Variants in CEP131 observed in about 807,000 individuals in gnomAD.
CEP131 encodes the protein centrosomal protein 131.
Under a neutral mutation model 136.8 loss-of-function variants are expected in CEP131, and 99 were observed. The ratio of observed to expected loss-of-function variants is 0.72; its 90% CI spans 0.62 to 0.86. The LOEUF (loss-of-function observed/expected upper bound fraction) is 0.86. Ranked by LOEUF, CEP131 falls within the 40% of genes least tolerant of loss-of-function variation. CEP131 has a pLI of 0.00. For missense variants in CEP131, 1,459 were observed against 1,463.0 expected (o/e 1.00, Z 0.04); for synonymous variants, 646 against 612.7 (o/e 1.05, Z -0.80).
intron 20 of CEP131, 39 bp from the exon 21 acceptor site, chr17:81,192,431 G>A (rs201874589): frequency 2.7e-4 from 436 of 1,611,646 alleles, no homozygotes; most frequent in Non-Finnish European, 3.5e-4. Context: ...GTCCCACCCC[G>A]TGCAGCCCCC....
At chr17:81,207,672 C>T (rs2062037716) in intron 3 of CEP131, among the ~76,000 whole-genome samples, 2 of 151,774 alleles carry the variant, frequency 1.3e-5, no homozygotes, top group African/African-American at 4.8e-5. Context: ...CCTTAAATAC[C>T]GTGGCTGCCT....
rs775947710 is a variant in CEP131, at chr17:81,198,104, A to C, written c.1470+11T>G. The C allele has an allele frequency of 6.4e-7, 1 of 1,551,444 alleles. No homozygotes were observed. The highest frequency in any genetic ancestry group is 8.7e-7 in the Non-Finnish European group (1 of 1,148,502). On this transcript the variant is annotated intron_variant, in intron 12 of 25. Transcript: ENST00000450824. ...GACAGACTGTGCAGGGCGGGCGCAC[A>C]CCGTGGTCACCTCGCTGGCCCAGGC...
chr17:81,200,338 G>C lies in CEP131; in HGVS notation c.897C>G (p.Ala299=). 1 of 1,600,522 alleles carries C rather than the reference G, an allele frequency of 6.2e-7. No homozygotes were observed. The change falls in exon 8 of 26, where the codon GCC becomes GCG. Residue 299 remains alanine, a synonymous_variant. Coordinates refer to ENST00000450824, the MANE Select transcript of CEP131 (RefSeq NM_014984.4). ...AGACGCCCACACTGACCTCCCGCTT[G>C]GCCTGAAGCAAGTGCTCCAGGCGGG... The part of the protein sequence containing the change: ...GAARLEHLLQ[A]KREEQRQRSG...
chr17:81,192,211 C>G, intron 21 of CEP131, 107 bp downstream of exon 21: 1 of 1,020,630 alleles, frequency 9.8e-7, no homozygotes, highest in Middle Eastern at 3.2e-4. Context: ...CAGAAACGAG[C>G]CCCCAGGATG....
At chr17:81,206,013 G>A (rs1234665600) in intron 5 of CEP131, among the ~76,000 whole-genome samples, 6 of 152,144 alleles carry the variant, frequency 3.9e-5, no homozygotes, top group Admixed American at 2.6e-4. Flanking sequence ...AGACCATCCC[G>A]GCCAACATGG....
In CEP131 at chr17:81,190,744, A is replaced by T; in HGVS notation, c.3002T>A (p.Phe1001Tyr). 6.2e-7 allele frequency: 1 copy of T among 1,611,892 alleles called. No individual in the cohort carries two copies. Among genetic ancestry groups the T allele is most frequent in the Non-Finnish European group, 8.5e-7 (1 of 1,179,586 alleles). Residue 1001 changes from phenylalanine to tyrosine, a missense_variant, in exon 24 of 26, where the codon TTC (phenylalanine) becomes TAC (tyrosine). This residue lies in a region of CEP131 where 1,026 missense variants were observed against 964.2 expected (regional missense o/e 1.06). Coordinates refer to ENST00000450824, the MANE Select transcript of CEP131 (RefSeq NM_014984.4). ...SNLAQVIRQE[F>Y]EDRLAASEEE... ...CTCAGAGGCTGCCAGCCGGTCCTCG[A>T]ACTCCTGGCGGATCACCTGGGCCAG...
rs201573274 is a variant in CEP131, at chr17:81,195,967, G to A, written c.1900-16C>T. On this transcript the variant is annotated splice_polypyrimidine_tract_variant and intron_variant, in intron 15 of 25. Coordinates refer to ENST00000450824, the MANE Select transcript of CEP131 (RefSeq NM_014984.4). Reference sequence around the variant, plus strand: ...CCTCAATCAGCTGTGTTGGGGACCGGAGGTGAGGTGCTACACCAAGGCCCC... The same window carrying A: ...CCTCAATCAGCTGTGTTGGGGACCGAAGGTGAGGTGCTACACCAAGGCCCC... The A allele has an allele frequency of 3.8e-3, 6,051 of 1,599,378 alleles. 18 individuals are homozygous for A. Among genetic ancestry groups the A allele is most frequent in the Non-Finnish European group, 4.3e-3 (5,007 of 1,173,780 alleles).
In CEP131 at chr17:81,203,929, G is replaced by A. The variant is rs2061949326; in HGVS notation, c.516-322C>T. On this transcript the variant is annotated intron_variant, in intron 5 of 25. Coordinates refer to ENST00000450824, the MANE Select transcript of CEP131 (RefSeq NM_014984.4). The surrounding 1 kb of genome is among the most constrained non-coding windows in gnomAD (Gnocchi z 4.6). ...AATCAGCTTCCAGAGCAGACTCACA[G>A]AAGCGAAGCCCCATCCCACACGACG... The A allele has an allele frequency of 3.4e-6, 1 of 297,804 alleles. No individual in the cohort carries two copies. The highest frequency in any genetic ancestry group is 2.2e-5 in the African/African-American group (1 of 46,132). The allele number at this position is 297,804 out of a possible 1,614,324, so 18.4% of individuals were successfully genotyped here.
At chr17:81,194,174 C>A in intron 17 of CEP131, 47 bp from the exon 18 acceptor site, 1 of 1,444,036 alleles carries the variant, frequency 6.9e-7, no homozygotes, top group Non-Finnish European at 9.1e-7. Flanking sequence ...AGGGTGGGCC[C>A]GGGAAGTCCA....
At chr17:81,213,747 C>G (rs2062184870) in intron 2 of CEP131, among the ~76,000 whole-genome samples, 1 of 152,112 alleles carries the variant, frequency 6.6e-6, no homozygotes, top group South Asian at 2.1e-4. Flanking sequence ...AGTGGAGAAG[C>G]CTGACCCTCC....
intron 24 of CEP131, 116 bp downstream of exon 24, chr17:81,190,523 G>T: frequency 1.5e-6 from 2 of 1,310,806 alleles, no homozygotes; most frequent in Non-Finnish European, 2.0e-6. Context: ...ACAGGGCCCT[G>T]TCTCTGCATC....
rs371014094 is a variant in CEP131 at position 81,209,019 on chromosome 17, C to T, written c.181G>A (p.Ala61Thr). The T allele has an allele frequency of 7.5e-6, 12 of 1,610,152 alleles. No individual in the cohort carries two copies. The East Asian group carries it at 1.6e-4, about 21-fold the overall frequency. The change falls in exon 3 of 26, where the codon GCC becomes ACC. Residue 61 changes from alanine (A) to threonine (T), a missense_variant. Around this residue, in one of 3 missense-constraint regions of CEP131, gnomAD observed 187 missense variants for 179.9 expected, o/e 1.04. Coordinates refer to ENST00000450824, the MANE Select transcript of CEP131 (RefSeq NM_014984.4). ...GCCTGGGAGCCCCCAGGCCCTGTGG[C>T]CTCCTGCAAAAAGGGAGAAAACAGT... is the stretch of plus-strand genomic sequence containing the variant. ...GSEQKRKVLE[A>T]TGPGGSQAIN...
Position 81,219,716 on chromosome 17 carries a change from G to GT in CEP131, c.177+163dup, listed in dbSNP as rs1414898466. 6.6e-6 allele frequency among the ~76,000 whole-genome samples: 1 copy of GT among 152,202 alleles called. No homozygotes were observed. Among genetic ancestry groups the GT allele is most frequent in the Admixed American group, 6.5e-5 (1 of 15,280 alleles). On this transcript the variant is annotated intron_variant, in intron 2 of 25. Transcript: ENST00000450824. The surrounding 1 kb of genome is among the most constrained non-coding windows in gnomAD (Gnocchi z 4.0). ...TTCTAGTGATTCAGCACCCACGCCT[G>GT]TAAGACTCAAGTCCTACCTGCCTCC... is the stretch of plus-strand genomic sequence containing the variant.
rs148701919 is a variant in CEP131 at position 81,202,310 on chromosome 17, C to T, written c.718G>A (p.Ala240Thr). The T allele has an allele frequency of 1.7e-3, 2,788 of 1,613,626 alleles. 2 individuals are homozygous for T. Among genetic ancestry groups the T allele is most frequent in the Non-Finnish European group, 2.2e-3 (2,547 of 1,179,914 alleles). Residue 240 changes from alanine to threonine, a missense_variant, in exon 7 of 26, where the codon GCC becomes ACC. Ala to Thr is a moderately conservative substitution (Grantham distance 58, BLOSUM62 0). Transcript: ENST00000450824. Reference protein sequence around the residue: ...PKNVSSATHSARNNTGGSTGL... With the variant: ...PKNVSSATHSTRNNTGGSTGL... ...GTGCTGCCCCCAGTATTGTTCCGGG[C>T]TGAGTGGGTGGCACTGGAGACATTC...
intron 21 of CEP131, among the ~76,000 whole-genome samples, chr17:81,191,763 C>T (rs1414790419): frequency 6.6e-6 from 1 of 152,172 alleles, no homozygotes; most frequent in Non-Finnish European, 1.5e-5. Flanking sequence ...AGGGCTACGT[C>T]GGGAGCATGC....
intron 2 of CEP131, among the ~76,000 whole-genome samples, chr17:81,213,571 A>AG (rs1038449385): frequency 2.0e-5 from 3 of 151,968 alleles, no homozygotes; most frequent in African/African-American, 7.3e-5. Context: ...AAAAAAAAAA[A>AG]AATTATAAAT....
Position 81,198,321 on chromosome 17 carries a change from T to A in CEP131, c.1288-24A>T, listed in dbSNP as rs1419795186. 3 of 1,567,366 alleles carry A rather than the reference T, an allele frequency of 1.9e-6. No individual in the cohort carries two copies. In the African/African-American group the frequency reaches 4.1e-5, roughly 21 times the overall value. On this transcript the variant is annotated intron_variant, in intron 11 of 25. Transcript: ENST00000450824. The stretch of plus-strand genomic sequence containing the variant: ...TCCTGCAAAAGAGCAGGGAGACAGA[T>A]GCAGCAAGGCTGCTGGTAGCTGAGA...
At chr17:81,201,958 A>G (rs1410943431) in intron 7 of CEP131, among the ~76,000 whole-genome samples, 7 of 151,982 alleles carry the variant, frequency 4.6e-5, no homozygotes, top group African/African-American at 1.7e-4. Flanking sequence ...AAAATTAGCC[A>G]GGCGTGGTGG....
intron 3 of CEP131, among the ~76,000 whole-genome samples, chr17:81,207,971 C>A (rs1471197001): frequency 1.0e-3 from 2 of 1,968 alleles, no homozygotes; most frequent in Admixed American, 8.6e-3. Flanking sequence ...ACACACACAC[C>A]ACACATGCAC....
Sources: gnomAD v4.1 joint callset for allele counts (sites outside exome capture counted in the v4.1 genomes callset) on GRCh38, gnomAD v4.1.1 for gene constraint, gnomAD v4.1.1 regional missense constraint, Gnocchi (gnomAD v3.1) non-coding constraint, MANE v1.5 for transcripts, NCBI Gene and HGNC (gene_info 2026-07-23, HGNC 2026-07-21) for gene names.